Variants in KHDRBS2 observed in about 807,000 individuals in gnomAD.
The protein encoded by KHDRBS2 is KH domain-containing, RNA-binding, signal transduction-associated protein 2.
KHDRBS2 carries 26 observed loss-of-function variants against 44.3 expected under a neutral mutation model. The observed-to-expected ratio is 0.59, with a 90% CI of 0.43 to 0.81. KHDRBS2 has a LOEUF of 0.81. Among genes scored for constraint, KHDRBS2 ranks in the 40% least tolerant of loss-of-function variants. KHDRBS2 has a pLI of 0.00. For missense variants in KHDRBS2, 476 were observed against 433.1 expected, an observed-to-expected ratio of 1.10 and a Z score of -0.88; for synonymous variants, 194 against 151.1, an observed-to-expected ratio of 1.28 and a Z score of -2.08.
At chr6:62,192,725 C>T (rs1476168699) in intron 1 of KHDRBS2, among the ~76,000 whole-genome samples, 1 of 152,102 alleles carries the variant, frequency 6.6e-6, no homozygotes, top group East Asian at 1.9e-4. Flanking sequence ...ATACATCTTG[C>T]CCCAGGGCAC....
chr6:62,081,601 GA>G (rs1461173700), intron 2 of KHDRBS2, among the ~76,000 whole-genome samples: 1 of 152,084 alleles, frequency 6.6e-6, no homozygotes, highest in Non-Finnish European at 1.5e-5. Context: ...GCAGATCAAG[GA>G]AAGGAAAGAT....
intron 1 of KHDRBS2, among the ~76,000 whole-genome samples, chr6:62,212,038 T>C (rs1433255177): frequency 6.6e-6 from 1 of 152,150 alleles, no homozygotes; most frequent in Non-Finnish European, 1.5e-5. Context: ...CCATTATCCT[T>C]AGCAAACTAA....
chr6:61,621,527 C>T, the KHDRBS2 span, among the ~76,000 whole-genome samples: 248 of 152,162 alleles, frequency 1.6e-3, no homozygotes, highest in African/African-American at 5.6e-3. Flanking sequence ...TTAAGAGCTC[C>T]GGAGACATTT....
chr6:61,948,892 C>G (rs139972861), intron 4 of KHDRBS2, among the ~76,000 whole-genome samples: 7 of 151,824 alleles, frequency 4.6e-5, no homozygotes, highest in Non-Finnish European at 8.8e-5. Context: ...TGTGATAAAG[C>G]CTTTATGCCC....
rs140300028 is a variant in KHDRBS2, at chr6:61,853,158, T to C, written c.810+41477A>G. ...TTTTCCTTGACCTTGGATTCAGCCCTACTCTATGGATTCAGCTTTCCTGTT... is the reference window on the plus strand; with the variant it reads ...TTTTCCTTGACCTTGGATTCAGCCCCACTCTATGGATTCAGCTTTCCTGTT... On this transcript the variant is annotated intron_variant, in intron 6 of 8. Transcript: ENST00000281156. 5.3e-5 allele frequency among the ~76,000 whole-genome samples: 8 copies of C among 152,294 alleles called. No individual in the cohort carries two copies. In the East Asian group the frequency reaches 1.5e-3, roughly 29 times the overall value.
intron 2 of KHDRBS2, among the ~76,000 whole-genome samples, chr6:62,170,276 G>C (rs1585045424): frequency 6.6e-6 from 1 of 152,116 alleles, no homozygotes; most frequent in Non-Finnish European, 1.5e-5. Flanking sequence ...TGGAGGATCA[G>C]GGCATGTCTC....
At chr6:61,616,874 G>T in the KHDRBS2 span, among the ~76,000 whole-genome samples, 5 of 152,076 alleles carry the variant, frequency 3.3e-5, no homozygotes, top group Non-Finnish European at 7.4e-5. Context: ...AAATATTCAA[G>T]AAAATCCTCA....
At chr6:61,555,558 G>T in the KHDRBS2 span, among the ~76,000 whole-genome samples, 1 of 152,154 alleles carries the variant, frequency 6.6e-6, no homozygotes, top group South Asian at 2.1e-4. Flanking sequence ...AACTTGTGTG[G>T]TCATTTAGAG....
chr6:61,934,934 T>C (rs1170655625), intron 4 of KHDRBS2, among the ~76,000 whole-genome samples: 1 of 152,204 alleles, frequency 6.6e-6, no homozygotes, highest in East Asian at 1.9e-4. Context: ...TCATCATTGC[T>C]ACTAAGTATG....
At chr6:61,706,045 C>T (rs527488597) in intron 7 of KHDRBS2, among the ~76,000 whole-genome samples, 10 of 151,788 alleles carry the variant, frequency 6.6e-5, no homozygotes, top group Non-Finnish European at 1.5e-4. Context: ...GAATATTGGC[C>T]AAATGAATAA....
chr6:62,051,666 G>A (rs1179216963), intron 2 of KHDRBS2, among the ~76,000 whole-genome samples: 5 of 151,914 alleles, frequency 3.3e-5, no homozygotes, highest in African/African-American at 1.2e-4. Context: ...AACTCCTTCA[G>A]AGCAAAGGAA....
chr6:62,121,410 T>C (rs1393047622), intron 2 of KHDRBS2, among the ~76,000 whole-genome samples: 2 of 152,216 alleles, frequency 1.3e-5, no homozygotes, highest in Non-Finnish European at 2.9e-5. Context: ...ATAAGACAGA[T>C]AGATCTTGGA....
the KHDRBS2 span, among the ~76,000 whole-genome samples, chr6:61,598,445 T>C: frequency 6.6e-6 from 1 of 152,196 alleles, no homozygotes; most frequent in East Asian, 1.9e-4. Context: ...TCCAGTTGTA[T>C]TCTATAGGGT....
intron 4 of KHDRBS2, among the ~76,000 whole-genome samples, chr6:61,955,459 CATATGTGTATAT>C (rs1766732239): frequency 4.5e-5 from 5 of 112,200 alleles, no homozygotes; most frequent in African/African-American, 1.8e-4. Flanking sequence ...TGTATATATA[CATATGTGTATAT>C]ATACACATAT....
intron 1 of KHDRBS2, among the ~76,000 whole-genome samples, chr6:62,274,141 G>T (rs1840537542): frequency 6.6e-6 from 1 of 151,908 alleles, no homozygotes; most frequent in South Asian, 2.1e-4. Context: ...TAACCATATT[G>T]GTCAGGCTGG....
the KHDRBS2 span, among the ~76,000 whole-genome samples, chr6:61,659,383 C>G: frequency 2.6e-5 from 4 of 151,652 alleles, no homozygotes; most frequent in African/African-American, 9.7e-5. Context: ...CCTGCTGAAA[C>G]GAGTTAATGC....
chr6:61,650,954 T>C, the KHDRBS2 span, among the ~76,000 whole-genome samples: 4 of 152,150 alleles, frequency 2.6e-5, no homozygotes, highest in East Asian at 1.9e-4. Context: ...TCTGGCTATG[T>C]TCCCTTTTCC....
intron 3 of KHDRBS2, among the ~76,000 whole-genome samples, chr6:61,982,005 A>G (rs1773942593): frequency 6.6e-6 from 1 of 152,190 alleles, no homozygotes; most frequent in Non-Finnish European, 1.5e-5. Flanking sequence ...AGAAACCACC[A>G]AAATCCTTTG....
At chr6:62,285,761 G>A (rs1257395395) in intron 1 of KHDRBS2, 97 bp downstream of exon 1, 29 of 760,714 alleles carry the variant, frequency 3.8e-5, no homozygotes, top group Non-Finnish European at 6.4e-5. Context: ...CTGCGAAGGC[G>A]GGGAGAGGAG....
Sources: allele counts gnomAD v4.1 joint callset (sites outside exome capture counted in the v4.1 genomes callset), GRCh38; gene constraint gnomAD v4.1.1; transcripts MANE v1.5; gene names NCBI Gene and HGNC (gene_info 2026-07-23, HGNC 2026-07-21).